The following GFRA2 variants were observed in gnomAD, a reference collection of about 807,000 sequenced individuals.
GFRA2 encodes GDNF family receptor alpha-2.
A neutral mutation model predicts 48.3 loss-of-function variants in GFRA2; 17 were observed. The observed-to-expected ratio is 0.35, with a 90% CI of 0.24 to 0.53. The LOEUF (loss-of-function observed/expected upper bound fraction) is 0.53, where lower values mean the gene tolerates loss of function less well. GFRA2 is among the 20% of genes least tolerant of loss of function. The pLI is 0.93. For synonymous variants in GFRA2, 305 were observed against 257.2 expected (o/e 1.19, Z -1.78); for missense variants, 660 against 637.3 (o/e 1.04, Z -0.38).
intron 4 of GFRA2, among the ~76,000 whole-genome samples, chr8:21,742,823 C>G (rs1804818568): frequency 6.6e-6 from 1 of 152,166 alleles, no homozygotes; most frequent in Non-Finnish European, 1.5e-5. Context: ...CAAGTGGGAG[C>G]CTTAGCCAAA....
At chr8:21,757,482 A>AT (rs1405509731) in intron 3 of GFRA2, among the ~76,000 whole-genome samples, 4 of 146,280 alleles carry the variant, frequency 2.7e-5, no homozygotes, top group Non-Finnish European at 4.5e-5. Flanking sequence ...TGTTTAATTG[A>AT]TTTTTTCTTT....
chr8:21,730,001 G>A (rs1048803588), intron 4 of GFRA2, among the ~76,000 whole-genome samples: 1 of 152,130 alleles, frequency 6.6e-6, no homozygotes, highest in African/African-American at 2.4e-5. Context: ...TCAGGGAGGA[G>A]GAGGAGGAGC....
chr8:21,756,599 C>T (rs750555121), intron 3 of GFRA2, among the ~76,000 whole-genome samples: 14 of 152,202 alleles, frequency 9.2e-5, no homozygotes, highest in Non-Finnish European at 1.8e-4. Flanking sequence ...TACCCTAAGG[C>T]TCCTGTCCCT....
intron 2 of GFRA2, among the ~76,000 whole-genome samples, chr8:21,778,160 T>C (rs1317889010): frequency 1.1e-4 from 17 of 152,176 alleles, no homozygotes; most frequent in African/African-American, 3.4e-4. Context: ...TCAGCGATTC[T>C]TGCCCTCTCC....
upstream of GFRA2, chr8:21,790,145 TGGA>T (rs1807524468): frequency 1.0e-6 from 1 of 969,778 alleles, no homozygotes; most frequent in Non-Finnish European, 1.2e-6. Flanking sequence ...GGGAAAGGGC[TGGA>T]GGAGAGGTGC....
upstream of GFRA2, among the ~76,000 whole-genome samples, chr8:21,792,479 C>T (rs1432612884): frequency 2.0e-5 from 3 of 152,188 alleles, no homozygotes; most frequent in Non-Finnish European, 4.4e-5. Context: ...ACTTATTGAA[C>T]GACTTCTCTG....
At chr8:21,790,572 G>C (rs1378175125), upstream of GFRA2, among the ~76,000 whole-genome samples, 1 of 152,330 alleles carries the variant, frequency 6.6e-6, no homozygotes, top group South Asian at 2.1e-4. Flanking sequence ...CACAGAGAGC[G>C]AGTCTCCTGT....
At chr8:21,720,339 AG>A in intron 4 of GFRA2, among the ~76,000 whole-genome samples, 1 of 152,322 alleles carries the variant, frequency 6.6e-6, no homozygotes, top group South Asian at 2.1e-4. Flanking sequence ...GGTATAGCCT[AG>A]GCCAACTCAC....
In GFRA2 at chr8:21,775,074, A is replaced by G; in HGVS notation, c.356-19T>C. Reference sequence around the variant, plus strand: ...TCCTCACCTGGAAGACAGAACAGGCATCAGATGCGGGCTCCTCCGGGCCAG... The same window carrying G: ...TCCTCACCTGGAAGACAGAACAGGCGTCAGATGCGGGCTCCTCCGGGCCAG... On this transcript the variant is annotated intron_variant, in intron 2 of 8. Coordinates refer to ENST00000524240, the MANE Select transcript of GFRA2 (RefSeq NM_001495.5). The G allele has an allele frequency of 7.3e-7, 1 of 1,364,192 alleles. No individual in the cohort carries two copies. Among genetic ancestry groups the G allele is most frequent in the East Asian group, 2.3e-5 (1 of 43,470 alleles). The allele number at this position is 1,364,192 out of a possible 1,614,324, so 84.5% of individuals were successfully genotyped here. A position where few individuals can be genotyped will look rare whatever the true frequency, so the allele number is the denominator to read the frequency against.
chr8:21,747,800 ACG>A (rs1491245816), intron 4 of GFRA2, among the ~76,000 whole-genome samples: 14 of 145,968 alleles, frequency 9.6e-5, no homozygotes, highest in African/African-American at 2.7e-4. Flanking sequence ...ACACACACAC[ACG>A]CATGCACACA....
Position 21,747,354 on chromosome 8 carries a change from C to G in GFRA2, c.794+3234G>C, listed in dbSNP as rs550221778. ...GTTCAGTCACTGTGGCAAATGGCAG[C>G]GTGGCCACATCTGCTCCCTCCTCCT... On this transcript the variant is annotated intron_variant, in intron 4 of 8. Coordinates refer to ENST00000524240, the MANE Select transcript of GFRA2 (RefSeq NM_001495.5). Among the ~76,000 whole-genome samples the G allele has an allele frequency of 1.5e-4, 23 of 152,334 alleles. No individual in the cohort carries two copies. In the South Asian group the frequency reaches 3.3e-3, roughly 22 times the overall value.
chr8:21,750,107 A>ACACACACACACACACACACACGCACG lies in GFRA2; in HGVS notation c.794+480_794+481insCGTGCGTGTGTGTGTGTGTGTGTGTG, dbSNP rs201515239. 6.6e-6 allele frequency among the ~76,000 whole-genome samples: 1 copy of ACACACACACACACACACACACGCACG among 150,656 alleles called. No individual in the cohort carries two copies. Among genetic ancestry groups the ACACACACACACACACACACACGCACG allele is most frequent in the East Asian group, 2.0e-4 (1 of 5,090 alleles). ...TGTGTATACACACACACACACACAC[A>ACACACACACACACACACACACGCACG]CACGCACATATATAGGTAGAGACTG... On this transcript the variant is annotated intron_variant, in intron 4 of 8. Coordinates refer to ENST00000524240, the MANE Select transcript of GFRA2 (RefSeq NM_001495.5). The surrounding 1 kb of genome is among the most constrained non-coding windows in gnomAD (Gnocchi z 5.7).
chr8:21,795,231 G>A (rs748227784), intron 2 of GFRA2, among the ~76,000 whole-genome samples: 612 of 152,274 alleles, frequency 4.0e-3, no homozygotes, highest in Non-Finnish European at 6.5e-3. Flanking sequence ...TGTGACTATT[G>A]TACTTCCCGG....
rs77187499 is a variant in GFRA2, at chr8:21,781,415, G to C, written c.355+1170C>G. ...TAAACAGGTTCCATTCTCACAGTGG[G>C]CCTTTCCATGCTGTTCCCTCCACCT... On this transcript the variant is annotated intron_variant, in intron 2 of 8. Transcript: ENST00000524240. Among the ~76,000 whole-genome samples, 794 of 152,160 alleles carry C rather than the reference G, an allele frequency of 5.2e-3. 50 individuals carry two copies. The East Asian group carries it at 0.13, about 26-fold the overall frequency.
intron 3 of GFRA2, among the ~76,000 whole-genome samples, chr8:21,763,635 A>C (rs188904913): frequency 6.6e-6 from 1 of 152,130 alleles, no homozygotes; most frequent in East Asian, 1.9e-4. Flanking sequence ...TGAAAGGTTG[A>C]CATCACATCC....
At chr8:21,795,239 C>G (rs1047815871) in intron 2 of GFRA2, among the ~76,000 whole-genome samples, 1 of 152,304 alleles carries the variant, frequency 6.6e-6, no homozygotes, top group East Asian at 1.9e-4. Context: ...TTGTACTTCC[C>G]GGCTGTACAA....
At chr8:21,787,639 C>T (rs1807347644) in intron 1 of GFRA2, among the ~76,000 whole-genome samples, 1 of 152,178 alleles carries the variant, frequency 6.6e-6, no homozygotes, top group Non-Finnish European at 1.5e-5. Flanking sequence ...CGGGAGCCGC[C>T]GGAGAAACCC....
In GFRA2 at chr8:21,788,607, A is replaced by C; in HGVS notation, c.-448T>G. Reference sequence around the variant, plus strand: ...CGGCGAGGGAGGGGGTCGGAATAAAATGCAAATAGAAAAGAAATCCACAGA... The same window carrying C: ...CGGCGAGGGAGGGGGTCGGAATAAACTGCAAATAGAAAAGAAATCCACAGA... On this transcript the variant is annotated 5_prime_UTR_variant, in exon 1 of 9. Coordinates refer to ENST00000524240, the MANE Select transcript of GFRA2 (RefSeq NM_001495.5). The C allele has an allele frequency of 1.0e-6, 1 of 991,072 alleles. No homozygotes were observed. The highest frequency in any genetic ancestry group is 1.7e-5 in the African/African-American group (1 of 57,632). The allele number at this position is 991,072 out of a possible 1,614,324, so 61.4% of individuals were successfully genotyped here. A position where few individuals can be genotyped will look rare whatever the true frequency, so the allele number is the denominator to read the frequency against.
At chr8:21,748,021 T>C (rs1054664066) in intron 4 of GFRA2, among the ~76,000 whole-genome samples, 13 of 152,064 alleles carry the variant, frequency 8.5e-5, no homozygotes, top group Admixed American at 8.5e-4. Flanking sequence ...CCAAGCCTTA[T>C]CACTTAAACA....
Sources: allele counts gnomAD v4.1 joint callset (sites outside exome capture counted in the v4.1 genomes callset), GRCh38; gene constraint gnomAD v4.1.1; non-coding constraint Gnocchi (gnomAD v3.1); transcripts MANE v1.5; gene names NCBI Gene and HGNC (gene_info 2026-07-23, HGNC 2026-07-21).